The following ZNF211 variants were observed in gnomAD, a reference collection of about 807,000 sequenced individuals.
ZNF211 encodes zinc finger protein 211.
ZNF211 carries 18 observed loss-of-function variants against 12.1 expected under a neutral mutation model. The ratio of observed to expected loss-of-function variants is 1.48; its 90% CI spans 1.03 to 2.20. The LOEUF (loss-of-function observed/expected upper bound fraction) is 2.20, where lower values mean the gene tolerates loss of function less well. ZNF211 is among the 30% of genes most tolerant of loss of function. The pLI is 0.00. For synonymous variants in ZNF211, 249 were observed against 246.0 expected (o/e 1.01, Z -0.11); for missense variants, 677 against 703.1 (o/e 0.96, Z 0.42).
At chr19:57,634,260 A>T in intron 2 of ZNF211, 199 bp downstream of exon 2, 1 of 553,326 alleles carries the variant, frequency 1.8e-6, no homozygotes, top group South Asian at 4.1e-5. Context: ...CAATGGAAAG[A>T]TGGGTGAAAA....
At position 57,636,534 on chromosome 19, in the gene ZNF211, G is replaced by A. The variant is rs149422513; in HGVS notation, c.256+1779G>A. Among the ~76,000 whole-genome samples the A allele has an allele frequency of 7.2e-5, 11 of 152,214 alleles. No individual in the cohort carries two copies. The East Asian group carries it at 1.9e-3, about 27-fold the overall frequency. ...AAATCATTTGGCCAGATATTTGAGGGTTTATTTCTGGGGTCTCTTCTAGTC... is the reference window on the plus strand; with the variant it reads ...AAATCATTTGGCCAGATATTTGAGGATTTATTTCTGGGGTCTCTTCTAGTC... On this transcript the variant is annotated intron_variant, in intron 3 of 3. Coordinates refer to ENST00000240731, the MANE Select transcript of ZNF211 (RefSeq NM_006385.5).
At chr19:57,638,904 A>G (rs1599962737) in intron 3 of ZNF211, among the ~76,000 whole-genome samples, 1 of 152,168 alleles carries the variant, frequency 6.6e-6, no homozygotes, top group South Asian at 2.1e-4. Context: ...ATAAGTGTTT[A>G]TAAGTGTTAT....
At chr19:57,635,744 A>G (rs1003423628) in intron 3 of ZNF211, among the ~76,000 whole-genome samples, 47 of 152,132 alleles carry the variant, frequency 3.1e-4, no homozygotes, top group African/African-American at 1.1e-3. Context: ...TCTTTTGGGT[A>G]TTGGCCCAAA....
At chr19:57,640,054 A>G in intron 3 of ZNF211, 2 of 1,535,794 alleles carry the variant, frequency 1.3e-6, no homozygotes, top group Non-Finnish European at 1.7e-6. Flanking sequence ...ACTTGGGAAA[A>G]GGCATGTCAT....
chr19:57,642,303 C>A lies in ZNF211; in HGVS notation c.*122C>A. ...AAGGATATACAGTGGGCGGATTCCCCTTAAGTTCCAGGTATGTGTTACACT... is the reference window on the plus strand; with the variant it reads ...AAGGATATACAGTGGGCGGATTCCCATTAAGTTCCAGGTATGTGTTACACT... On this transcript the variant is annotated 3_prime_UTR_variant, in exon 4 of 4. Transcript: ENST00000240731. 8.9e-7 allele frequency: 1 copy of A among 1,129,080 alleles called. No homozygotes were observed. Among genetic ancestry groups the A allele is most frequent in the South Asian group, 1.7e-5 (1 of 59,740 alleles). 69.9% of individuals were successfully genotyped at this position (1,129,080 alleles called of 1,614,324 possible).
chr19:57,639,236 T>C (rs1016926285), intron 3 of ZNF211, among the ~76,000 whole-genome samples: 36 of 151,822 alleles, frequency 2.4e-4, no homozygotes, highest in Non-Finnish European at 4.3e-4. Flanking sequence ...TTTAAGGTAA[T>C]CACTGATAAG....
At chr19:57,633,531 C>T in intron 1 of ZNF211, 95 bp downstream of exon 1, 2 of 1,497,166 alleles carry the variant, frequency 1.3e-6, no homozygotes, top group Middle Eastern at 1.7e-4. Context: ...GGGTCGGGGA[C>T]ACTGAGGCTC....
Position 57,641,129 on chromosome 19 carries a change from A to G in ZNF211, c.682A>G (p.Ser228Gly), listed in dbSNP as rs1160605608. ...TCAAACAGGGGAGAAGCCAAATAAC[A>G]GTAACAAGTGTGCGGTGGCCTTTTA... The part of the protein sequence containing the change: ...ATQTGEKPNN[S>G]NKCAVAFYSG... Residue 228 changes from serine to glycine, a missense_variant, in exon 4 of 4, where the codon AGT becomes GGT. Coordinates refer to ENST00000240731, the MANE Select transcript of ZNF211 (RefSeq NM_006385.5). The G allele has an allele frequency of 1.9e-6, 3 of 1,614,248 alleles. No homozygotes were observed. Among genetic ancestry groups the G allele is most frequent in the Non-Finnish European group, 2.5e-6 (3 of 1,180,050 alleles).
rs1983088439 is a variant in ZNF211, at chr19:57,642,322, T to G, written c.*141T>G. 5 of 925,158 alleles carry G rather than the reference T, an allele frequency of 5.4e-6. No individual in the cohort carries two copies. The highest frequency in any genetic ancestry group is 2.5e-5 in the Admixed American group (1 of 39,954). The allele number at this position is 925,158 out of a possible 1,614,324, so 57.3% of individuals were successfully genotyped here. On this transcript the variant is annotated 3_prime_UTR_variant, in exon 4 of 4. Transcript: ENST00000240731. The stretch of plus-strand genomic sequence containing the variant: ...ATTCCCCTTAAGTTCCAGGTATGTG[T>G]TACACTTTCTAACATGCCATTTAGA...
chr19:57,633,973 A>G lies in ZNF211; in HGVS notation c.91-50A>G, dbSNP rs1412761262. ...AAGGGTACAGGGAAGGCCTGTGCCC[A>G]TGGAGCACTGCCATGATCACATTCC... is the stretch of plus-strand genomic sequence containing the variant. On this transcript the variant is annotated intron_variant, in intron 1 of 3. Coordinates refer to ENST00000240731, the MANE Select transcript of ZNF211 (RefSeq NM_006385.5). 3.7e-6 allele frequency: 6 copies of G among 1,600,124 alleles called. No individual in the cohort carries two copies. The East Asian group carries it at 6.7e-5, about 18-fold the overall frequency.
rs1981642243 is a variant in ZNF211, at chr19:57,633,226, TTCTG to T, written c.-114_-111del. 1.9e-6 allele frequency: 2 copies of T among 1,032,636 alleles called. No homozygotes were observed. Among genetic ancestry groups the T allele is most frequent in the Non-Finnish European group, 2.7e-6 (2 of 749,092 alleles). The allele number at this position is 1,032,636 out of a possible 1,614,324, so 64.0% of individuals were successfully genotyped here. ...TTTTGGCTGCCCTCCCGGAGGTCCG[TTCTG>T]TCTGTCAGCCGCTTTGGTACGCTGC... On this transcript the variant is annotated 5_prime_UTR_variant, in exon 1 of 4. Transcript: ENST00000240731.
Position 57,643,778 on chromosome 19 carries a change from C to G in ZNF211, c.*1597C>G, listed in dbSNP as rs571535273. Among the ~76,000 whole-genome samples the G allele has an allele frequency of 2.6e-5, 4 of 152,250 alleles. No individual in the cohort carries two copies. The highest frequency in any genetic ancestry group is 9.6e-5 in the African/African-American group (4 of 41,550). On this transcript the variant is annotated 3_prime_UTR_variant, in exon 4 of 4. Transcript: ENST00000240731. ...CTCCCCTCTCTGGCCCTCAAGGCAA[C>G]CATTGATTTATACCTTCATTTATAA...
At chr19:57,636,177 C>T (rs1982109810) in intron 3 of ZNF211, among the ~76,000 whole-genome samples, 1 of 151,990 alleles carries the variant, frequency 6.6e-6, no homozygotes, top group African/African-American at 2.4e-5. Context: ...CAAATGTTTT[C>T]TCTTATTCTG....
Position 57,642,148 on chromosome 19 carries a change from A to C in ZNF211, c.1701A>C (p.Gln567His). ...TTGGCTGCAAATCTGTCCTCATTCA[A>C]CACCAGAGAGTTCACATTGGAGAAA... ...KSFGCKSVLI[Q>H]HQRVHIGEKP The change falls in exon 4 of 4, where the codon CAA becomes CAC. Residue 567 changes from glutamine to histidine, a missense_variant. Physicochemically the swap from Gln to His is conservative, Grantham distance 24. Coordinates refer to ENST00000240731, the MANE Select transcript of ZNF211 (RefSeq NM_006385.5). 1 of 1,611,710 alleles carries C rather than the reference A, an allele frequency of 6.2e-7. No homozygotes were observed. Among genetic ancestry groups the C allele is most frequent in the Non-Finnish European group, 8.5e-7 (1 of 1,178,364 alleles).
chr19:57,634,991 C>T, intron 3 of ZNF211: 1 of 983,660 alleles, frequency 1.0e-6, no homozygotes, highest in Non-Finnish European at 1.2e-6. Flanking sequence ...TCCCACCTGA[C>T]TTGCCTTCTC....
At chr19:57,639,850 T>C in intron 3 of ZNF211, 2 of 1,438,272 alleles carry the variant, frequency 1.4e-6, no homozygotes, top group Non-Finnish European at 1.8e-6. Context: ...TTCCTTGTTC[T>C]TTTTTGTGCC....
At position 57,641,650 on chromosome 19, in the gene ZNF211, G is replaced by C. The variant is rs1982965074; in HGVS notation, c.1203G>C (p.Gln401His). 1.2e-6 allele frequency: 2 copies of C among 1,613,286 alleles called. No individual in the cohort carries two copies. Among genetic ancestry groups the C allele is most frequent in the Admixed American group, 1.7e-5 (1 of 59,966 alleles). ...AAAACTTTAGCCTGATCTACCACCA[G>C]AGAGTTCACACTGGAGAAAGACCTC... Reference protein sequence around the residue: ...FSQNFSLIYHQRVHTGERPHE... With the variant: ...FSQNFSLIYHHRVHTGERPHE... The change falls in exon 4 of 4, where the codon CAG becomes CAC. Residue 401 changes from glutamine to histidine, a missense_variant. Coordinates refer to ENST00000240731, the MANE Select transcript of ZNF211 (RefSeq NM_006385.5).
Position 57,642,375 on chromosome 19 carries a change from T to TTTTA in ZNF211, c.*194_*195insTTTA. ...GTGTTAGACTTTCTCACCTGCCATT[T>TTTTA]ATGGCTCTTGCCGTTTATGTCACTG... On this transcript the variant is annotated 3_prime_UTR_variant, in exon 4 of 4. Transcript: ENST00000240731. 1 of 620,208 alleles carries TTTTA rather than the reference T, an allele frequency of 1.6e-6. No homozygotes were observed. Among genetic ancestry groups the TTTTA allele is most frequent in the Non-Finnish European group, 2.7e-6 (1 of 375,566 alleles). 38.4% of individuals were successfully genotyped at this position (620,208 alleles called of 1,614,324 possible).
At chr19:57,635,556 G>C (rs1279599935) in intron 3 of ZNF211, among the ~76,000 whole-genome samples, 3 of 152,112 alleles carry the variant, frequency 2.0e-5, no homozygotes, top group African/African-American at 7.2e-5. Context: ...CATCCATGTT[G>C]TAATATATAT....
Sources: allele counts gnomAD v4.1 joint callset (sites outside exome capture counted in the v4.1 genomes callset), GRCh38; gene constraint gnomAD v4.1.1; transcripts MANE v1.5; gene names NCBI Gene and HGNC (gene_info 2026-07-23, HGNC 2026-07-21).